FSTL5: variants seen among roughly 807,000 people sequenced by gnomAD.
FSTL5 encodes follistatin like 5.
In FSTL5, 62 loss-of-function variants were observed where a neutral mutation model predicts 89.1. That is an observed-to-expected ratio of 0.70 (90% CI 0.57 to 0.86). The LOEUF (loss-of-function observed/expected upper bound fraction) is 0.86, where lower values mean the gene tolerates loss of function less well. Among genes scored for constraint, FSTL5 ranks in the 40% least tolerant of loss-of-function variants. The pLI, the probability that FSTL5 is intolerant of heterozygous loss-of-function variation, is 0.00. For synonymous variants in FSTL5, 383 were observed against 346.2 expected, an observed-to-expected ratio of 1.11 and a Z score of -1.18; for missense variants, 1,057 against 1,001.6, an observed-to-expected ratio of 1.06 and a Z score of -0.75.
At chr4:161,671,684 C>T (rs569741423) in intron 6 of FSTL5, among the ~76,000 whole-genome samples, 3 of 152,056 alleles carry the variant, frequency 2.0e-5, no homozygotes, top group East Asian at 1.9e-4. Flanking sequence ...TACTCCACCA[C>T]TTAAAAAAAA....
intron 7 of FSTL5, among the ~76,000 whole-genome samples, chr4:161,619,399 A>G (rs971612449): frequency 1.3e-5 from 2 of 152,238 alleles, no homozygotes; most frequent in Non-Finnish European, 2.9e-5. Context: ...CAGAGTGAAC[A>G]GGCAACCTAC....
Position 161,986,751 on chromosome 4 carries a change from TAGAGTC to T in FSTL5, c.160+46868_160+46873del, listed in dbSNP as rs548493424. 3.0e-3 allele frequency among the ~76,000 whole-genome samples: 450 copies of T among 152,236 alleles called. 3 individuals are homozygous for T. The highest frequency in any genetic ancestry group is 9.9e-3 in the African/African-American group (413 of 41,534). Reference sequence around the variant, plus strand: ...CTGAAAAGCAGGAGGCAGGAGGTGTTAGAGTCAGAGAAGCTAGGAAAGCGGGTGGCA... The same window carrying T: ...CTGAAAAGCAGGAGGCAGGAGGTGTTAGAGAAGCTAGGAAAGCGGGTGGCA... On this transcript the variant is annotated intron_variant, in intron 3 of 15. Transcript: ENST00000306100.
intron 3 of FSTL5, among the ~76,000 whole-genome samples, chr4:161,933,375 C>T (rs1395827133): frequency 1.3e-5 from 2 of 152,008 alleles, no homozygotes; most frequent in Non-Finnish European, 2.9e-5. Flanking sequence ...AAAGTCTCTA[C>T]AGAAAAATAA....
At position 161,780,253 on chromosome 4, in the gene FSTL5, G is replaced by A. The variant is rs117166817; in HGVS notation, c.410-4179C>T. On this transcript the variant is annotated intron_variant, in intron 4 of 15. Transcript: ENST00000306100. ...GATAGGAAAGAAAAACATCTAGCACGGTTAATACAGAAGAAGAGACATTTA... is the reference window on the plus strand; with the variant it reads ...GATAGGAAAGAAAAACATCTAGCACAGTTAATACAGAAGAAGAGACATTTA... 4.0e-4 allele frequency among the ~76,000 whole-genome samples: 60 copies of A among 151,360 alleles called. 2 individuals carry two copies. The East Asian group carries it at 0.01, about 26-fold the overall frequency.
At chr4:161,879,141 T>C (rs1214754651) in intron 4 of FSTL5, among the ~76,000 whole-genome samples, 4 of 152,200 alleles carry the variant, frequency 2.6e-5, no homozygotes, top group Non-Finnish European at 5.9e-5. Context: ...GGAACCTTGG[T>C]GATATTACCA....
chr4:162,058,125 T>C (rs1263308151), intron 2 of FSTL5, among the ~76,000 whole-genome samples: 2 of 152,114 alleles, frequency 1.3e-5, no homozygotes, highest in African/African-American at 2.4e-5. Flanking sequence ...GTAAGATACA[T>C]GTACATGGTT....
chr4:161,907,226 G>T (rs1733562974), intron 4 of FSTL5, among the ~76,000 whole-genome samples: 1 of 152,048 alleles, frequency 6.6e-6, no homozygotes, highest in Non-Finnish European at 1.5e-5. Flanking sequence ...ATATGGAAAA[G>T]ACACTCTCTA....
At chr4:161,882,832 A>G (rs934519885) in intron 4 of FSTL5, among the ~76,000 whole-genome samples, 2 of 152,094 alleles carry the variant, frequency 1.3e-5, no homozygotes, top group Admixed American at 1.3e-4. Flanking sequence ...GACCCCTTAC[A>G]TAGTAGAGCA....
chr4:161,592,703 T>C (rs187861442), intron 7 of FSTL5, among the ~76,000 whole-genome samples: 47 of 152,310 alleles, frequency 3.1e-4, no homozygotes, highest in Non-Finnish European at 4.4e-4. Context: ...TTCCAAGCCT[T>C]TGCTATTGTG....
chr4:161,459,068 G>T (rs574537553), intron 14 of FSTL5, 144 bp downstream of exon 14: 10 of 487,714 alleles, frequency 2.1e-5, no homozygotes, highest in Non-Finnish European at 3.3e-5. Flanking sequence ...CAACTTTTTT[G>T]CCTTTTTCTG....
chr4:162,161,517 T>A (rs1733695262), intron 1 of FSTL5, among the ~76,000 whole-genome samples: 1 of 152,034 alleles, frequency 6.6e-6, no homozygotes. Flanking sequence ...CCTTTGGTTA[T>A]TATTGCCAGT....
intron 15 of FSTL5, among the ~76,000 whole-genome samples, chr4:161,430,752 A>G (rs1370563370): frequency 6.6e-6 from 1 of 152,120 alleles, no homozygotes; most frequent in Non-Finnish European, 1.5e-5. Context: ...AACAAAAACA[A>G]AAACAAAAAA....
chr4:161,642,419 CATG>C (rs373388129), intron 7 of FSTL5, among the ~76,000 whole-genome samples: 4 of 151,994 alleles, frequency 2.6e-5, no homozygotes, highest in Non-Finnish European at 4.4e-5. Flanking sequence ...AGTACAAAAT[CATG>C]ATAACTGTAT....
chr4:161,826,973 T>G (rs1314785105), intron 4 of FSTL5, among the ~76,000 whole-genome samples: 1 of 152,216 alleles, frequency 6.6e-6, no homozygotes, highest in Non-Finnish European at 1.5e-5. Flanking sequence ...TGTTTTTGTT[T>G]TATGGGCCCT....
rs1303945263 is a variant in FSTL5, at chr4:161,529,165, G to A, written c.1312+9001C>T. Among the ~76,000 whole-genome samples, 2 of 143,390 alleles carry A rather than the reference G, an allele frequency of 1.4e-5. 1 individual carries two copies. Among genetic ancestry groups the A allele is most frequent in the Non-Finnish European group, 3.1e-5 (2 of 65,340 alleles). 94.1% of individuals were successfully genotyped at this position (143,390 alleles called of 152,430 possible). On this transcript the variant is annotated intron_variant, in intron 10 of 15. Coordinates refer to ENST00000306100, the MANE Select transcript of FSTL5 (RefSeq NM_020116.5). ...TTGCTGAAAACCTGTCAATTTTAGT[G>A]ACATTCAGATCACATAGTATCTTGT...
intron 6 of FSTL5, among the ~76,000 whole-genome samples, chr4:161,702,986 A>G (rs1397625843): frequency 6.6e-6 from 1 of 152,070 alleles, no homozygotes; most frequent in Non-Finnish European, 1.5e-5. Flanking sequence ...GTGGGCTCTA[A>G]TCCATCTAGT....
At chr4:161,770,519 G>T (rs377661848) in intron 5 of FSTL5, among the ~76,000 whole-genome samples, 14 of 151,600 alleles carry the variant, frequency 9.2e-5, no homozygotes, top group Non-Finnish European at 1.8e-4. Context: ...AATAAAAAGC[G>T]ACAGAATCTT....
At chr4:161,401,566 C>T (rs1345564378) in intron 15 of FSTL5, among the ~76,000 whole-genome samples, 4 of 151,954 alleles carry the variant, frequency 2.6e-5, no homozygotes, top group Non-Finnish European at 5.9e-5. Context: ...TGTCTGTCAC[C>T]CAGGATGGAG....
At chr4:161,967,425 AAAG>A (rs1409356152) in intron 3 of FSTL5, among the ~76,000 whole-genome samples, 2 of 151,954 alleles carry the variant, frequency 1.3e-5, no homozygotes, top group Non-Finnish European at 2.9e-5. Context: ...TAAAAGAAGA[AAAG>A]AAAGGTAAAA....
Sources: gnomAD v4.1 joint callset for allele counts (sites outside exome capture counted in the v4.1 genomes callset) on GRCh38, gnomAD v4.1.1 for gene constraint, MANE v1.5 for transcripts, NCBI Gene and HGNC (gene_info 2026-07-23, HGNC 2026-07-21) for gene names.